SAP130: variants seen among roughly 807,000 people sequenced by gnomAD.
SAP130 encodes the protein Sin3A associated protein 130.
In SAP130, 16 loss-of-function variants were observed where a neutral mutation model predicts 103.2. That is an observed-to-expected ratio of 0.16 (90% CI 0.10 to 0.24). The LOEUF (loss-of-function observed/expected upper bound fraction) is 0.24. Ranked by LOEUF, SAP130 falls within the 10% of genes least tolerant of loss-of-function variation. The pLI is 1.00. For missense variants in SAP130, 990 were observed against 1,359.7 expected (o/e 0.73, Z 4.28); for synonymous variants, 477 against 497.0 (o/e 0.96, Z 0.53).
chr2:128,023,616 A>T (rs898596251), intron 2 of SAP130, among the ~76,000 whole-genome samples: 2 of 151,996 alleles, frequency 1.3e-5, no homozygotes, highest in Non-Finnish European at 2.9e-5. Context: ...CGTCTCTACT[A>T]AAAAATACAA....
Position 127,996,623 on chromosome 2 carries a change from A to G in SAP130, c.1214-132T>C, listed in dbSNP as rs11676142. 0.22 allele frequency: 179,225 copies of G among 808,220 alleles called. 22,581 individuals are homozygous for G. Among genetic ancestry groups the G allele is most frequent in the South Asian group, 0.38 (14,443 of 38,386 alleles). The allele number at this position is 808,220 out of a possible 1,614,324, so 50.1% of individuals were successfully genotyped here. On this transcript the variant is annotated intron_variant, in intron 10 of 20. Transcript: ENST00000643581. This position sits in a 1 kb window ranked among gnomAD's most constrained non-coding sequence, Gnocchi z 4.3. ...CCTGGATTTTTAATCAAAATAAAAA[A>G]TGAAAAATAAGTACAAAGTTCAACA...
chr2:128,002,074 G>A (rs1183776063), intron 7 of SAP130, among the ~76,000 whole-genome samples: 2 of 151,974 alleles, frequency 1.3e-5, no homozygotes, highest in Non-Finnish European at 2.9e-5. Context: ...CTACAGGCGC[G>A]TGCCACAATG....
chr2:128,020,877 T>G (rs1685104328), intron 2 of SAP130, among the ~76,000 whole-genome samples: 1 of 151,880 alleles, frequency 6.6e-6, no homozygotes, highest in Non-Finnish European at 1.5e-5. Context: ...TTGCCTGTAA[T>G]CCCACCTACT....
intron 12 of SAP130, among the ~76,000 whole-genome samples, chr2:127,992,133 A>G (rs2105029418): frequency 6.6e-6 from 1 of 152,042 alleles, no homozygotes; most frequent in South Asian, 2.1e-4. Context: ...CACCATGCCC[A>G]CCTAATTTTT....
At chr2:127,944,329 C>G (rs1323475505) in intron 19 of SAP130, among the ~76,000 whole-genome samples, 1 of 152,110 alleles carries the variant, frequency 6.6e-6, no homozygotes, top group African/African-American at 2.4e-5. Context: ...AGCCACTGAA[C>G]CTGGCCCCTT....
intron 14 of SAP130, among the ~76,000 whole-genome samples, chr2:127,980,723 T>A (rs897780145): frequency 6.6e-6 from 1 of 152,116 alleles, no homozygotes; most frequent in Admixed American, 6.6e-5. Context: ...CCAGGTGGAA[T>A]GCTTCAGCCC....
intron 6 of SAP130, 28 bp from the exon 7 acceptor site, chr2:128,010,421 TA>T: frequency 1.3e-6 from 2 of 1,591,424 alleles, no homozygotes; most frequent in Non-Finnish European, 1.7e-6. Flanking sequence ...ACAGTTCATT[TA>T]AAACAAAAAT....
At position 127,942,573 on chromosome 2, in the gene SAP130, G is replaced by A; in HGVS notation, c.2902-36C>T. 7.6e-7 allele frequency: 1 copy of A among 1,311,338 alleles called. No individual in the cohort carries two copies. The highest frequency in any genetic ancestry group is 1.1e-6 in the Non-Finnish European group (1 of 905,454). 81.2% of individuals were successfully genotyped at this position (1,311,338 alleles called of 1,614,324 possible). On this transcript the variant is annotated intron_variant, in intron 19 of 20. Coordinates refer to ENST00000643581, the MANE Select transcript of SAP130 (RefSeq NM_001330301.2). The surrounding 1 kb of genome is among the most constrained non-coding windows in gnomAD (Gnocchi z 4.8). ...CAAAAGGGAGGGTATCATAAGCTCG[G>A]AAATATTTTTCTATGTCAACCCCAG...
intron 15 of SAP130, among the ~76,000 whole-genome samples, chr2:127,956,518 C>G (rs1022363454): frequency 7.3e-6 from 1 of 137,044 alleles, no homozygotes; most frequent in African/African-American, 2.8e-5. Context: ...AACACTTGGA[C>G]ACAGGAAGGG....
At chr2:127,970,969 T>TA (rs936667862) in intron 15 of SAP130, among the ~76,000 whole-genome samples, 1 of 151,852 alleles carries the variant, frequency 6.6e-6, no homozygotes, top group Non-Finnish European at 1.5e-5. Context: ...TTTTTTTTTT[T>TA]AGACAGGTTC....
chr2:128,003,560 CT>C (rs1401656764), intron 7 of SAP130, among the ~76,000 whole-genome samples: 1 of 151,252 alleles, frequency 6.6e-6, no homozygotes, highest in Admixed American at 6.6e-5. Context: ...GTGATTCAGC[CT>C]GGGTGACAGA....
chr2:127,942,023 G>C lies in SAP130; in HGVS notation c.3157C>G (p.Arg1053Gly). Residue 1053 changes from arginine (R) to glycine (G), a missense_variant, in exon 21 of 21, where the codon CGA (arginine) becomes GGA (glycine). Physicochemically the swap from Arg to Gly is moderately radical, Grantham distance 125. Coordinates refer to ENST00000643581, the MANE Select transcript of SAP130 (RefSeq NM_001330301.2). The surrounding 1 kb of genome is among the most constrained non-coding windows in gnomAD (Gnocchi z 4.8). Reference protein sequence around the residue: ...GTVKKVSKLKRKEKV With the variant: ...GTVKKVSKLKGKEKV The stretch of plus-strand genomic sequence containing the variant: ...TTCTGGGTCTAGACTTTTTCCTTTC[G>C]CTTCAATTTGGACACTTTTTTGACA... 6.3e-7 allele frequency: 1 copy of C among 1,589,034 alleles called. No individual in the cohort carries two copies. The highest frequency in any genetic ancestry group is 8.5e-7 in the Non-Finnish European group (1 of 1,175,506).
At chr2:128,003,987 T>G (rs943546840) in intron 7 of SAP130, among the ~76,000 whole-genome samples, 28 of 123,162 alleles carry the variant, frequency 2.3e-4, no homozygotes, top group Non-Finnish European at 3.5e-4. Context: ...TTTTTTTTTT[T>G]TTGTTGACAG....
chr2:127,971,156 T>C (rs115054283), intron 15 of SAP130, among the ~76,000 whole-genome samples: 90 of 152,106 alleles, frequency 5.9e-4, no homozygotes, highest in African/African-American at 2.1e-3. Flanking sequence ...TTTCGCCATA[T>C]TGCCCAGGCT....
At chr2:127,951,725 T>G (rs987901724) in intron 16 of SAP130, among the ~76,000 whole-genome samples, 1 of 152,214 alleles carries the variant, frequency 6.6e-6, no homozygotes, top group Non-Finnish European at 1.5e-5. Context: ...CCTACGCAAC[T>G]GAATGTCGCC....
rs774054953 is a variant in SAP130 at position 128,021,446 on chromosome 2, C to CAA, written c.113-3533_113-3532dup. Among the ~76,000 whole-genome samples, 160 of 71,514 alleles carry CAA rather than the reference C, an allele frequency of 2.2e-3. 1 individual carries two copies. Among genetic ancestry groups the CAA allele is most frequent in the South Asian group, 0.01 (24 of 2,292 alleles). The allele number at this position is 71,514 out of a possible 152,430, so 46.9% of individuals were successfully genotyped here. The stretch of plus-strand genomic sequence containing the variant: ...TGGGCGACAGAACAAGACTCCATCT[C>CAA]AAAAAAAAAAAAAAACAAAAAAACA... On this transcript the variant is annotated intron_variant, in intron 2 of 20. Coordinates refer to ENST00000643581, the MANE Select transcript of SAP130 (RefSeq NM_001330301.2).
chr2:127,975,205 C>G (rs2104902673), intron 15 of SAP130, among the ~76,000 whole-genome samples: 1 of 152,264 alleles, frequency 6.6e-6, no homozygotes, highest in African/African-American at 2.4e-5. Context: ...ATAAAGAAAA[C>G]AAAGCATGTA....
chr2:128,019,268 TAA>T (rs112108878), intron 2 of SAP130, among the ~76,000 whole-genome samples: 2 of 151,746 alleles, frequency 1.3e-5, no homozygotes, highest in African/African-American at 2.4e-5. Flanking sequence ...TTTTTTTAAT[TAA>T]AAAAAATTTT....
intron 14 of SAP130, among the ~76,000 whole-genome samples, chr2:127,980,896 T>TCAACAACAA (rs61511870): frequency 0.71 from 107,574 of 150,506 alleles, 39,007 homozygotes; most frequent in East Asian, 0.83. Context: ...GACCCCCATC[T>TCAACAACAA]CAACAACAAC....
Sources: gnomAD v4.1 joint callset for allele counts (sites outside exome capture counted in the v4.1 genomes callset) on GRCh38, gnomAD v4.1.1 for gene constraint, Gnocchi (gnomAD v3.1) non-coding constraint, MANE v1.5 for transcripts, NCBI Gene and HGNC (gene_info 2026-07-23, HGNC 2026-07-21) for gene names.